Variants in POLD3 observed in about 807,000 individuals in gnomAD.
POLD3 encodes DNA polymerase delta subunit 3.
In POLD3, 19 loss-of-function variants were observed where a neutral mutation model predicts 58.2. The observed-to-expected ratio is 0.33, with a 90% CI of 0.23 to 0.48. The LOEUF (loss-of-function observed/expected upper bound fraction) is 0.48, where lower values mean the gene tolerates loss of function less well. POLD3 is among the 20% of genes least tolerant of loss of function. The pLI, the probability that POLD3 is intolerant of heterozygous loss-of-function variation, is 0.99. For missense variants in POLD3, 504 were observed against 545.5 expected (o/e 0.92, Z 0.76); for synonymous variants, 172 against 193.5 (o/e 0.89, Z 0.92).
intron 5 of POLD3, among the ~76,000 whole-genome samples, chr11:74,613,466 A>T (rs537949366): frequency 6.6e-6 from 1 of 152,188 alleles, no homozygotes; most frequent in East Asian, 1.9e-4. Context: ...TAACAGCACA[A>T]GGAGGTAACG....
chr11:74,618,742 G>A lies in POLD3; in HGVS notation c.598G>A (p.Ala200Thr), dbSNP rs1194766792. The A allele has an allele frequency of 1.2e-6, 2 of 1,614,146 alleles. No individual in the cohort carries two copies. Among genetic ancestry groups the A allele is most frequent in the East Asian group, 4.5e-5 (2 of 44,890 alleles). ...AATTATGGGAATGTTTGCCTCCAAA[G>A]CTGCTGCTAAAACCCAAGAAACCAA... is the stretch of plus-strand genomic sequence containing the variant. ...KGIMGMFASK[A>T]AAKTQETNKE... Residue 200 changes from alanine (A) to threonine (T), a missense_variant, in exon 6 of 12, where the codon GCT becomes ACT. By Grantham distance (58) the Ala-to-Thr change is moderately conservative (BLOSUM62 0). This residue lies in a region of POLD3 where 385 missense variants were observed against 370.5 expected (regional missense o/e 1.04). Coordinates refer to ENST00000263681, the MANE Select transcript of POLD3 (RefSeq NM_006591.3).
At chr11:74,592,981 G>T (rs1383476230) in intron 1 of POLD3, 5 of 1,351,034 alleles carry the variant, frequency 3.7e-6, no homozygotes, top group Admixed American at 6.2e-5. Context: ...GAGACCGGGC[G>T]CGGAGGGAGG....
chr11:74,609,632 C>T (rs183096783), intron 3 of POLD3, among the ~76,000 whole-genome samples: 9 of 151,830 alleles, frequency 5.9e-5, no homozygotes, highest in African/African-American at 1.4e-4. Flanking sequence ...CCATCTGCCT[C>T]GGCCTCCCAA....
intron 3 of POLD3, among the ~76,000 whole-genome samples, chr11:74,607,457 C>T (rs1486343518): frequency 2.7e-5 from 4 of 149,724 alleles, no homozygotes; most frequent in Admixed American, 6.7e-5. Context: ...TTAGTAGAGA[C>T]GGGTTTCACC....
In POLD3 at chr11:74,618,563, C is replaced by G. The variant is rs956945730; in HGVS notation, c.419C>G (p.Ala140Gly). 6.2e-7 allele frequency: 1 copy of G among 1,613,026 alleles called. No homozygotes were observed. Among genetic ancestry groups the G allele is most frequent in the African/African-American group, 1.3e-5 (1 of 74,872 alleles). The change falls in exon 6 of 12, where the codon GCC (alanine) becomes GGC (glycine). Residue 140 changes from alanine (A) to glycine (G), a missense_variant. Ala to Gly is a moderately conservative substitution (Grantham distance 60). Coordinates refer to ENST00000263681, the MANE Select transcript of POLD3 (RefSeq NM_006591.3). ...TTTAGTGCTATACAATGTGCAGCTG[C>G]CGTCCCTAGAGCTCCTGCTGAATCC... ...SKFSAIQCAAAVPRAPAESSS... is the reference protein window; with the variant it reads ...SKFSAIQCAAGVPRAPAESSS...
At chr11:74,654,684 T>G (rs1387178504) in intron 4 of POLD3, among the ~76,000 whole-genome samples, 1 of 152,198 alleles carries the variant, frequency 6.6e-6, no homozygotes, top group Non-Finnish European at 1.5e-5. Flanking sequence ...CCCCACCAGC[T>G]TGGTCACCAT....
chr11:74,617,314 G>A (rs2032109440), intron 5 of POLD3, among the ~76,000 whole-genome samples: 1 of 152,196 alleles, frequency 6.6e-6, no homozygotes, highest in South Asian at 2.1e-4. Flanking sequence ...GTCCGGTGCT[G>A]TTAGTATTAT....
At chr11:74,593,938 A>G (rs947893760) in intron 1 of POLD3, 123 bp from the exon 2 acceptor site, 2 of 607,264 alleles carry the variant, frequency 3.3e-6, no homozygotes, top group Admixed American at 6.2e-5. Flanking sequence ...CTGCAGTGGC[A>G]TTTATTGTAA....
intron 9 of POLD3, among the ~76,000 whole-genome samples, chr11:74,631,551 C>T (rs186055489): frequency 1.5e-5 from 2 of 136,890 alleles, no homozygotes; most frequent in African/African-American, 5.5e-5. Context: ...GCGATGCGAT[C>T]TCGGCTCACT....
At chr11:74,628,678 A>G (rs1343542834) in intron 8 of POLD3, among the ~76,000 whole-genome samples, 1 of 152,134 alleles carries the variant, frequency 6.6e-6, no homozygotes, top group Non-Finnish European at 1.5e-5. Flanking sequence ...CTTTCTCTTT[A>G]AAATATGTTT....
At chr11:74,634,484 C>A (rs778199625) in intron 9 of POLD3, 99 bp from the exon 10 acceptor site, 3 of 688,556 alleles carry the variant, frequency 4.4e-6, no homozygotes, top group Non-Finnish European at 8.1e-6. Flanking sequence ...CTTGCTAAAT[C>A]CCCTTTGCTG....
At chr11:74,623,156 G>T (rs11236174) in intron 7 of POLD3, among the ~76,000 whole-genome samples, 3 of 152,104 alleles carry the variant, frequency 2.0e-5, no homozygotes, top group Non-Finnish European at 2.9e-5. Flanking sequence ...AGTAGGGGCC[G>T]GGTGTGGTGG....
intron 2 of POLD3, among the ~76,000 whole-genome samples, chr11:74,600,781 G>A (rs976241619): frequency 6.4e-5 from 8 of 124,918 alleles, no homozygotes; most frequent in Admixed American, 2.0e-4. Flanking sequence ...GTGATGGCAC[G>A]ATCCCAGCTC....
At chr11:74,611,844 A>G (rs1373768850) in intron 4 of POLD3, among the ~76,000 whole-genome samples, 1 of 152,256 alleles carries the variant, frequency 6.6e-6, no homozygotes, top group Non-Finnish European at 1.5e-5. Flanking sequence ...GTGAAAAGAC[A>G]GTGGCAGTTT....
intron 4 of POLD3, among the ~76,000 whole-genome samples, chr11:74,653,688 A>G (rs1213821165): frequency 1.3e-5 from 2 of 152,246 alleles, no homozygotes; most frequent in Admixed American, 6.5e-5. Flanking sequence ...ATTAGACTTA[A>G]CCATATCAAC....
intron 2 of POLD3, among the ~76,000 whole-genome samples, chr11:74,597,525 A>G (rs982682973): frequency 9.2e-5 from 14 of 152,156 alleles, no homozygotes; most frequent in Non-Finnish European, 2.1e-4. Context: ...CAGTGGCGCA[A>G]TTTTGGCTCA....
intron 3 of POLD3, among the ~76,000 whole-genome samples, chr11:74,608,044 G>C (rs1445939183): frequency 6.6e-6 from 1 of 152,092 alleles, no homozygotes; most frequent in African/African-American, 2.4e-5. Context: ...GGAAATGTTT[G>C]GTTGGTTCTT....
intron 4 of POLD3, among the ~76,000 whole-genome samples, chr11:74,658,295 T>A (rs2033161973): frequency 1.3e-5 from 2 of 152,078 alleles, no homozygotes; most frequent in Non-Finnish European, 2.9e-5. Flanking sequence ...CTGGCCCCCA[T>A]GATTCAATTA....
chr11:74,628,155 A>G (rs1486186747), intron 8 of POLD3, among the ~76,000 whole-genome samples: 1 of 152,132 alleles, frequency 6.6e-6, no homozygotes, highest in Non-Finnish European at 1.5e-5. Context: ...CCCGTTCATT[A>G]TATAACTTTA....
Sources: allele counts gnomAD v4.1 joint callset (sites outside exome capture counted in the v4.1 genomes callset), GRCh38; gene constraint gnomAD v4.1.1; regional missense constraint gnomAD v4.1.1; transcripts MANE v1.5; gene names NCBI Gene and HGNC (gene_info 2026-07-23, HGNC 2026-07-21).